The following PRDM7 variants were observed in gnomAD, a reference collection of about 807,000 sequenced individuals.
PRDM7 encodes the protein PR/SET domain 7.
A neutral mutation model predicts 64.3 loss-of-function variants in PRDM7; 52 were observed. The ratio of observed to expected loss-of-function variants is 0.81; its 90% confidence interval spans 0.65 to 1.02. The LOEUF (loss-of-function observed/expected upper bound fraction) is 1.02, where lower values mean the gene tolerates loss of function less well. Ranked by LOEUF, PRDM7 falls within the 50% of genes least tolerant of loss-of-function variation. The pLI is 0.00. For synonymous variants in PRDM7, 192 were observed against 210.1 expected (o/e 0.91, Z 0.74); for missense variants, 574 against 597.1 (o/e 0.96, Z 0.40).
In PRDM7 at chr16:90,056,589, G is replaced by C. The variant is rs983991899; in HGVS notation, c.*1700C>G. On this transcript the variant is annotated 3_prime_UTR_variant, in exon 11 of 11. Transcript: ENST00000449207. The stretch of plus-strand genomic sequence containing the variant: ...AGTTAAAGAAGGAAGCGGTTTATTC[G>C]GCCAGGAGCATCAGCAAGACTGCTG... The C allele has an allele frequency of 6.6e-6, 1 of 152,130 alleles. No homozygotes were observed. The highest frequency in any genetic ancestry group is 1.5e-5 in the Non-Finnish European group (1 of 68,038). 9.4% of individuals were successfully genotyped at this position (152,130 alleles called of 1,614,324 possible).
At chr16:90,071,190 G>C (rs753091135) in intron 4 of PRDM7, among the ~76,000 whole-genome samples, 4 of 152,146 alleles carry the variant, frequency 2.6e-5, no homozygotes, top group Non-Finnish European at 5.9e-5. Flanking sequence ...GGAGTGCAGT[G>C]GTGTGATCTC....
rs1338544222 is a variant in PRDM7 at position 90,057,631 on chromosome 16, A to G, written c.*658T>C. On this transcript the variant is annotated 3_prime_UTR_variant, in exon 11 of 11. Transcript: ENST00000449207. ...ACATGTTGACGTCCCCCGAACACTT[A>G]CAGAACTATCCCCTGTTCTTCCTCA... is the stretch of plus-strand genomic sequence containing the variant. 4 of 997,060 alleles carry G rather than the reference A, an allele frequency of 4.0e-6. No individual in the cohort carries two copies. The highest frequency in any genetic ancestry group is 1.7e-5 in the African/African-American group (1 of 58,692). The allele number at this position is 997,060 out of a possible 1,614,324, so 61.8% of individuals were successfully genotyped here. A position where few individuals can be genotyped will look rare whatever the true frequency, so the allele number is the denominator to read the frequency against.
At position 90,075,062 on chromosome 16, in the gene PRDM7, G is replaced by A; in HGVS notation, c.194-39C>T. On this transcript the variant is annotated intron_variant, in intron 3 of 10. Transcript: ENST00000449207. The surrounding 1 kb of genome is among the most constrained non-coding windows in gnomAD (Gnocchi z 4.3). ...AAAAATTTTGCTCTGAAACGGAAGA[G>A]CTGGGATGAGGAACAAAGGGCAGTG... The A allele has an allele frequency of 6.2e-7, 1 of 1,609,152 alleles. No homozygotes were observed.
chr16:90,073,057 A>T (rs2037984439), intron 4 of PRDM7, among the ~76,000 whole-genome samples: 1 of 152,162 alleles, frequency 6.6e-6, no homozygotes, highest in Non-Finnish European at 1.5e-5. Flanking sequence ...CTATTTTATA[A>T]TTATGGTACA....
rs1259903588 is a variant in PRDM7, at chr16:90,061,347, TA to T, written c.950+104del. On this transcript the variant is annotated intron_variant, in intron 9 of 10. Coordinates refer to ENST00000449207, the MANE Select transcript of PRDM7 (RefSeq NM_001098173.2). ...AGCATTGTATGGAGAAAAATAGAAA[TA>T]GGGGATGTGAAAATCATTGAGGGAG... 2.6e-6 allele frequency: 3 copies of T among 1,166,396 alleles called. No individual in the cohort carries two copies. The African/African-American group carries it at 4.7e-5, about 18-fold the overall frequency. The allele number at this position is 1,166,396 out of a possible 1,614,324, so 72.3% of individuals were successfully genotyped here.
chr16:90,072,681 A>G (rs527625248), intron 4 of PRDM7, among the ~76,000 whole-genome samples: 6 of 152,298 alleles, frequency 3.9e-5, no homozygotes, highest in African/African-American at 1.4e-4. Context: ...ACAGTTAATA[A>G]AGTTGTACGC....
Position 90,061,445 on chromosome 16 carries a change from G to T in PRDM7, c.950+7C>A. The T allele has an allele frequency of 6.3e-7, 1 of 1,583,894 alleles. No homozygotes were observed. Among genetic ancestry groups the T allele is most frequent in the Non-Finnish European group, 8.7e-7 (1 of 1,152,498 alleles). Reference sequence around the variant, plus strand: ...CTCTCTGAAACTAAGAGACCTAGTGGCCTTACCTCATCCAGTTGGCCGAGG... The same window carrying T: ...CTCTCTGAAACTAAGAGACCTAGTGTCCTTACCTCATCCAGTTGGCCGAGG... On this transcript the variant is annotated splice_region_variant and intron_variant, in intron 9 of 10. Coordinates refer to ENST00000449207, the MANE Select transcript of PRDM7 (RefSeq NM_001098173.2).
chr16:90,061,904 C>A lies in PRDM7; in HGVS notation c.882+17G>T. 1 of 1,614,194 alleles carries A rather than the reference C, an allele frequency of 6.2e-7. No individual in the cohort carries two copies. The highest frequency in any genetic ancestry group is 8.5e-7 in the Non-Finnish European group (1 of 1,179,974). ...ATGTGGGAAGACAGAACAGGGGAAA[C>A]AGCAGGCTCTTCTTACTAGCCAGGA... On this transcript the variant is annotated intron_variant, in intron 8 of 10. Transcript: ENST00000449207.
chr16:90,061,871 C>G (rs1567875523), intron 8 of PRDM7, 50 bp downstream of exon 8: 1 of 1,610,974 alleles, frequency 6.2e-7, no homozygotes, highest in East Asian at 2.2e-5. Flanking sequence ...ATCAAAGGCA[C>G]AGAAGGGATG....
At chr16:90,065,770 G>A (rs760644792) in intron 5 of PRDM7, among the ~76,000 whole-genome samples, 23 of 151,264 alleles carry the variant, frequency 1.5e-4, no homozygotes, top group Admixed American at 7.2e-4. Context: ...AATAACAAAC[G>A]AAAATTATCT....
Position 90,063,362 on chromosome 16 carries a change from G to T in PRDM7, c.508+250C>A, listed in dbSNP as rs141181339. Among the ~76,000 whole-genome samples the T allele has an allele frequency of 8.5e-3, 1,296 of 151,794 alleles. 14 individuals are homozygous for T. Among genetic ancestry groups the T allele is most frequent in the Middle Eastern group, 0.034 (10 of 294 alleles). ...CTGAGGCATGAAAATCGCTATTTTCGTGGAGGCAGAGGTTGCAGTGAACCG... is the reference window on the plus strand; with the variant it reads ...CTGAGGCATGAAAATCGCTATTTTCTTGGAGGCAGAGGTTGCAGTGAACCG... On this transcript the variant is annotated intron_variant, in intron 6 of 10. Transcript: ENST00000449207.
chr16:90,064,347 G>A (rs894063966), intron 5 of PRDM7, among the ~76,000 whole-genome samples: 1 of 152,118 alleles, frequency 6.6e-6, no homozygotes, highest in Non-Finnish European at 1.5e-5. Flanking sequence ...TTGAATAAGG[G>A]TGTATTGTTA....
chr16:90,067,053 C>T, intron 4 of PRDM7, 143 bp from the exon 5 acceptor site: 1 of 683,976 alleles, frequency 1.5e-6, no homozygotes. Context: ...CAACCTCCGC[C>T]TCCCGGATTC....
chr16:90,073,548 C>T (rs540879157), intron 4 of PRDM7, among the ~76,000 whole-genome samples: 3 of 151,960 alleles, frequency 2.0e-5, no homozygotes, highest in Non-Finnish European at 2.9e-5. Context: ...TACAGGTGCC[C>T]GCCACCGTGC....
At chr16:90,073,183 G>A (rs1166071866) in intron 4 of PRDM7, among the ~76,000 whole-genome samples, 1 of 152,056 alleles carries the variant, frequency 6.6e-6, no homozygotes, top group South Asian at 2.1e-4. Flanking sequence ...ATACATTTTG[G>A]TATAAGAGGA....
Position 90,058,198 on chromosome 16 carries a change from A to G in PRDM7, c.*91T>C, listed in dbSNP as rs952452347. ...CTGGCCTGTTCTGGACTCTTCTTCCATCATTCTTTCTCCCACTCTAGAGCT... is the reference window on the plus strand; with the variant it reads ...CTGGCCTGTTCTGGACTCTTCTTCCGTCATTCTTTCTCCCACTCTAGAGCT... On this transcript the variant is annotated 3_prime_UTR_variant, in exon 11 of 11. Coordinates refer to ENST00000449207, the MANE Select transcript of PRDM7 (RefSeq NM_001098173.2). 45 of 1,614,058 alleles carry G rather than the reference A, an allele frequency of 2.8e-5. 1 individual carries two copies. The South Asian group carries it at 4.5e-4, about 16-fold the overall frequency.
Position 90,057,853 on chromosome 16 carries a change from G to C in PRDM7, c.*436C>G. On this transcript the variant is annotated 3_prime_UTR_variant, in exon 11 of 11. Transcript: ENST00000449207. ...TACTAATGACTTACTCATCCTTCCT[G>C]CAGACTGGGGCGTCTCCCCTGTGTG... 3.3e-6 allele frequency: 5 copies of C among 1,515,114 alleles called. No individual in the cohort carries two copies. Among genetic ancestry groups the C allele is most frequent in the Non-Finnish European group, 4.5e-6 (5 of 1,116,808 alleles). 93.9% of individuals were successfully genotyped at this position (1,515,114 alleles called of 1,614,324 possible).
At chr16:90,076,766 G>A (rs2038042369) in intron 1 of PRDM7, among the ~76,000 whole-genome samples, 1 of 152,048 alleles carries the variant, frequency 6.6e-6, no homozygotes, top group South Asian at 2.1e-4. Context: ...GGATATTTGA[G>A]GCTGAGGAAA....
chr16:90,058,622 A>G (rs1400802523), intron 10 of PRDM7, 88 bp from the exon 11 acceptor site: 7 of 1,450,922 alleles, frequency 4.8e-6, no homozygotes, highest in Non-Finnish European at 6.8e-6. Flanking sequence ...AGAACCAGTC[A>G]TTCTTCATAT....
Sources: gnomAD v4.1 joint callset for allele counts (sites outside exome capture counted in the v4.1 genomes callset) on GRCh38, gnomAD v4.1.1 for gene constraint, Gnocchi (gnomAD v3.1) non-coding constraint, MANE v1.5 for transcripts, NCBI Gene and HGNC (gene_info 2026-07-23, HGNC 2026-07-21) for gene names.